LAMA2: variants seen among roughly 807,000 people sequenced by gnomAD.
The protein encoded by LAMA2 is laminin subunit alpha-2.
LAMA2 carries 269 observed loss-of-function variants against 364.8 expected under a neutral mutation model. The observed-to-expected ratio is 0.74, with a 90% CI of 0.67 to 0.82. The LOEUF is 0.82. Ranked by LOEUF, LAMA2 falls within the 40% of genes least tolerant of loss-of-function variation. The pLI is 0.00. For missense variants in LAMA2, 3,807 were observed against 3,873.2 expected (o/e 0.98, Z 0.45); for synonymous variants, 1,379 against 1,370.6 (o/e 1.01, Z -0.14).
At chr6:129,407,447 A>C (rs1375545797) in intron 40 of LAMA2, among the ~76,000 whole-genome samples, 2 of 152,248 alleles carry the variant, frequency 1.3e-5, no homozygotes, top group Non-Finnish European at 2.9e-5. Flanking sequence ...ACAACACTTA[A>C]ATGCTGATAT....
In LAMA2 at chr6:129,516,255, C is replaced by T. The variant is rs751194768; in HGVS notation, c.9277C>T (p.Leu3093Phe). 5.0e-6 allele frequency: 8 copies of T among 1,614,126 alleles called. No homozygotes were observed. Among genetic ancestry groups the T allele is most frequent in the Non-Finnish European group, 6.8e-6 (8 of 1,180,014 alleles). The change falls in exon 65 of 65, where the codon CTC becomes TTC. Residue 3093 changes from leucine (L) to phenylalanine (F), a missense_variant. By Grantham distance (22) the Leu-to-Phe change is conservative (BLOSUM62 0). Around this residue, in one of 3 missense-constraint regions of LAMA2, gnomAD observed 3,333 missense variants for 3,345.7 expected, o/e 1.00. Coordinates refer to ENST00000421865, the MANE Select transcript of LAMA2 (RefSeq NM_000426.4). ...CCGAGGTTGCATCAGATCCCTGAAGCTCACCAAAGGCACAGGCAAGCCACT... is the reference window on the plus strand; with the variant it reads ...CCGAGGTTGCATCAGATCCCTGAAGTTCACCAAAGGCACAGGCAAGCCACT... ...PFRGCIRSLK[L>F]TKGTGKPLEV...
intron 12 of LAMA2, among the ~76,000 whole-genome samples, chr6:129,231,000 A>G (rs1302057905): frequency 6.6e-6 from 1 of 152,134 alleles, no homozygotes; most frequent in Non-Finnish European, 1.5e-5. Context: ...GTAAAGTGGT[A>G]CAGTACACAT....
intron 4 of LAMA2, among the ~76,000 whole-genome samples, chr6:129,119,705 G>T (rs991272637): frequency 6.6e-6 from 1 of 151,978 alleles, no homozygotes; most frequent in Non-Finnish European, 1.5e-5. Context: ...CCGCCACCAC[G>T]CCTGGCTAAT....
rs368349321 is a variant in LAMA2 at position 129,098,185 on chromosome 6, G to A, written c.409G>A (p.Ala137Thr). ...TLDLQQVFQI[A>T]YVIVKAANSP... ...TATACTTCCCTAGGTGTTCCAGATC[G>A]CGTATGTGATTGTGAAGGCAGCTAA... The change falls in exon 4 of 65, where the codon GCG becomes ACG. Residue 137 changes from alanine (A) to threonine (T), a missense_variant. Coordinates refer to ENST00000421865, the MANE Select transcript of LAMA2 (RefSeq NM_000426.4). 166 of 1,613,836 alleles carry A rather than the reference G, an allele frequency of 1.0e-4. 1 individual carries two copies. The highest frequency in any genetic ancestry group is 1.2e-4 in the Non-Finnish European group (144 of 1,179,952).
chr6:128,932,614 A>G (rs1350396367), intron 1 of LAMA2, among the ~76,000 whole-genome samples: 1 of 152,210 alleles, frequency 6.6e-6, no homozygotes, highest in African/African-American at 2.4e-5. Flanking sequence ...TGAGAGGGTG[A>G]GCTCTAGGTG....
chr6:128,921,713 T>TTTTTTTTTTTTTTTTTTTTTTTTAA (rs1328311348), intron 1 of LAMA2, among the ~76,000 whole-genome samples: 2 of 144,834 alleles, frequency 1.4e-5, no homozygotes, highest in African/African-American at 2.6e-5. Flanking sequence ...TTTTTTTTTT[T>TTTTTTTTTTTTTTTTTTTTTTTTAA]ATTATTATTA....
intron 14 of LAMA2, 52 bp from the exon 15 acceptor site, chr6:129,260,657 GTA>G: frequency 9.4e-7 from 1 of 1,059,536 alleles, no homozygotes; most frequent in Non-Finnish European, 1.5e-6. Context: ...TCCTACAGCT[GTA>G]TAATACCTAA....
chr6:129,480,852 T>A (rs1197480128), intron 54 of LAMA2, among the ~76,000 whole-genome samples: 2 of 151,632 alleles, frequency 1.3e-5, no homozygotes, highest in Non-Finnish European at 2.9e-5. Flanking sequence ...AGTGATAGAG[T>A]TTATTCAAGA....
At position 129,497,095 on chromosome 6, in the gene LAMA2, G is replaced by A. The variant is rs17057468; in HGVS notation, c.8244+4612G>A. On this transcript the variant is annotated intron_variant, in intron 58 of 64. Coordinates refer to ENST00000421865, the MANE Select transcript of LAMA2 (RefSeq NM_000426.4). The stretch of plus-strand genomic sequence containing the variant: ...TGGGTGGCAGGTGCTGGAAAAAAAG[G>A]GATGTGGTGAGTATTCAATTTTTAA... 4.7e-3 allele frequency among the ~76,000 whole-genome samples: 708 copies of A among 152,212 alleles called. 20 individuals are homozygous for A. In the East Asian group the frequency reaches 0.078, roughly 17 times the overall value.
intron 8 of LAMA2, chr6:129,158,633 G>A: frequency 6.2e-7 from 1 of 1,614,152 alleles, no homozygotes; most frequent in South Asian, 1.1e-5. Flanking sequence ...TAGCAATTAT[G>A]CAGACAGCCA....
intron 10 of LAMA2, among the ~76,000 whole-genome samples, chr6:129,178,472 C>A (rs1419808242): frequency 6.6e-6 from 1 of 152,040 alleles, no homozygotes. Flanking sequence ...ACCTCTGCAG[C>A]TTATAAACAT....
chr6:129,057,352 A>G (rs1349970993), intron 2 of LAMA2, among the ~76,000 whole-genome samples: 2 of 152,224 alleles, frequency 1.3e-5, no homozygotes, highest in African/African-American at 4.8e-5. Context: ...CACATTTTTC[A>G]TAAAAATAGA....
At chr6:129,502,530 C>A in intron 58 of LAMA2, 129 bp from the exon 59 acceptor site, 1 of 703,640 alleles carries the variant, frequency 1.4e-6, no homozygotes, top group Non-Finnish European at 2.6e-6. Flanking sequence ...CAGTAGACTA[C>A]AGAGATGAAT....
intron 1 of LAMA2, among the ~76,000 whole-genome samples, chr6:128,921,841 A>G (rs1172381309): frequency 2.7e-5 from 4 of 146,666 alleles, no homozygotes; most frequent in African/African-American, 1.0e-4. Context: ...ATATCTCCCA[A>G]TGCTATCCCT....
intron 10 of LAMA2, among the ~76,000 whole-genome samples, chr6:129,179,443 C>A (rs993035142): frequency 2.0e-5 from 3 of 151,998 alleles, no homozygotes; most frequent in Non-Finnish European, 4.4e-5. Flanking sequence ...GAGTAATAAG[C>A]GAGTTAATTT....
intron 12 of LAMA2, among the ~76,000 whole-genome samples, chr6:129,219,176 A>G (rs1783622980): frequency 6.6e-6 from 1 of 152,240 alleles, no homozygotes; most frequent in Non-Finnish European, 1.5e-5. Context: ...AAAATAAGAC[A>G]GACACTTCTC....
chr6:129,512,617 A>C, intron 63 of LAMA2, 124 bp downstream of exon 63: 1 of 1,067,410 alleles, frequency 9.4e-7, no homozygotes, highest in Non-Finnish European at 1.5e-6. Context: ...GGAGAAAGCT[A>C]AATTGTATGT....
chr6:129,321,258 T>C (rs1249343521), intron 28 of LAMA2, among the ~76,000 whole-genome samples: 3 of 152,190 alleles, frequency 2.0e-5, no homozygotes, highest in African/African-American at 7.2e-5. Flanking sequence ...ATTTCTATAA[T>C]TGTGAAATAT....
intron 32 of LAMA2, among the ~76,000 whole-genome samples, chr6:129,365,536 T>C (rs1026001686): frequency 6.6e-6 from 1 of 152,028 alleles, no homozygotes; most frequent in Non-Finnish European, 1.5e-5. Flanking sequence ...CTAATTTTTG[T>C]ATTTTTAGTA....
Sources: allele counts gnomAD v4.1 joint callset (sites outside exome capture counted in the v4.1 genomes callset), GRCh38; gene constraint gnomAD v4.1.1; regional missense constraint gnomAD v4.1.1; transcripts MANE v1.5; gene names NCBI Gene and HGNC (gene_info 2026-07-23, HGNC 2026-07-21).